SIM2: variants seen among roughly 807,000 people sequenced by gnomAD.
SIM2 encodes single-minded homolog 2.
Under a neutral mutation model 64.8 loss-of-function variants are expected in SIM2, and 28 were observed. That is an observed-to-expected ratio of 0.43 (90% CI 0.32 to 0.59). SIM2 has a LOEUF of 0.59. Ranked by LOEUF, SIM2 falls within the 20% of genes least tolerant of loss-of-function variation. The pLI is 0.07. For missense variants in SIM2, 847 were observed against 871.4 expected (o/e 0.97, Z 0.35); for synonymous variants, 408 against 391.1 (o/e 1.04, Z -0.51).
chr21:36,746,283 C>G (rs1482056040), intron 10 of SIM2: 1 of 154,874 alleles, frequency 6.5e-6, no homozygotes, highest in South Asian at 2.0e-4. Flanking sequence ...TCACTGCACT[C>G]CAGCCTGGGT....
At chr21:36,700,318 CTTTCTT>C (rs2088472851) in intron 1 of SIM2, among the ~76,000 whole-genome samples, 1 of 132,532 alleles carries the variant, frequency 7.5e-6, no homozygotes. Context: ...CTTTCTTTCT[CTTTCTT>C]TTTCTTTCTT....
chr21:36,738,890 G>A (rs1013118597), intron 7 of SIM2, among the ~76,000 whole-genome samples: 2 of 152,298 alleles, frequency 1.3e-5, no homozygotes, highest in African/African-American at 4.8e-5. Flanking sequence ...GCAGAAAAGC[G>A]CTGCTCTCTG....
chr21:36,732,423 G>A (rs952519938), intron 7 of SIM2, among the ~76,000 whole-genome samples: 6 of 152,226 alleles, frequency 3.9e-5, no homozygotes, highest in African/African-American at 1.4e-4. Flanking sequence ...CGAGTGGGAG[G>A]GGGACGGCAG....
At chr21:36,719,253 G>T (rs912096711) in intron 3 of SIM2, among the ~76,000 whole-genome samples, 1 of 152,276 alleles carries the variant, frequency 6.6e-6, no homozygotes, top group Admixed American at 6.5e-5. Context: ...GCCTGGCAGC[G>T]CCTGAGGGGC....
rs144541776 is a variant in SIM2 at position 36,714,816 on chromosome 21, A to G, written c.348+2194A>G. On this transcript the variant is annotated intron_variant, in intron 3 of 10. Transcript: ENST00000290399. The stretch of plus-strand genomic sequence containing the variant: ...AACACAATAATTAAGAAGGACCAAA[A>G]TATTGGATAGGTGACAAATCTGCCT... Among the ~76,000 whole-genome samples, 763 of 152,310 alleles carry G rather than the reference A, an allele frequency of 5.0e-3. 17 individuals are homozygous for G. The highest frequency in any genetic ancestry group is 3.0e-3 in the Non-Finnish European group (201 of 68,016).
At position 36,747,984 on chromosome 21, in the gene SIM2, G is replaced by A; in HGVS notation, c.1896G>A (p.Ala632=). Residue 632 remains alanine (A), a synonymous_variant, in exon 11 of 11, where the codon GCG becomes GCA. Transcript: ENST00000290399. This position sits in a 1 kb window ranked among gnomAD's most constrained non-coding sequence, Gnocchi z 4.5. ...LACAPGGPEA[A]TGALRLRHPS... is the part of the protein sequence containing the mutation. Reference sequence around the variant, plus strand: ...GCGCTCCCGGCGGCCCCGAGGCGGCGACCGGCGCGCTGCGGCTCCGGCACC... The same window carrying A: ...GCGCTCCCGGCGGCCCCGAGGCGGCAACCGGCGCGCTGCGGCTCCGGCACC... 4 of 1,057,968 alleles carry A rather than the reference G, an allele frequency of 3.8e-6. No individual in the cohort carries two copies. Among genetic ancestry groups the A allele is most frequent in the Non-Finnish European group, 2.3e-6 (2 of 878,556 alleles). 65.5% of individuals were successfully genotyped at this position (1,057,968 alleles called of 1,614,324 possible).
intron 7 of SIM2, among the ~76,000 whole-genome samples, chr21:36,740,107 T>A (rs2089142466): frequency 6.6e-6 from 1 of 151,490 alleles, no homozygotes; most frequent in Admixed American, 6.6e-5. Flanking sequence ...TGTTGGCCTT[T>A]CATTTTTTTT....
chr21:36,714,614 T>C (rs766800005), intron 3 of SIM2, among the ~76,000 whole-genome samples: 6 of 152,172 alleles, frequency 3.9e-5, no homozygotes, highest in Non-Finnish European at 5.9e-5. Context: ...AAACTTGCTT[T>C]CAGTAGAGTC....
intron 1 of SIM2, among the ~76,000 whole-genome samples, chr21:36,701,965 G>T (rs1183569467): frequency 6.6e-6 from 1 of 152,208 alleles, no homozygotes; most frequent in Non-Finnish European, 1.5e-5. Flanking sequence ...AATGATTTGC[G>T]GTCAATGATT....
At chr21:36,743,257 C>A in intron 8 of SIM2, 130 bp from the exon 9 acceptor site, 1 of 799,858 alleles carries the variant, frequency 1.3e-6, no homozygotes, top group South Asian at 1.7e-5. Context: ...TCTCAAATCC[C>A]ATCCACATCC....
At chr21:36,708,344 C>T (rs576987143) in intron 1 of SIM2, among the ~76,000 whole-genome samples, 24 of 152,214 alleles carry the variant, frequency 1.6e-4, no homozygotes, top group Admixed American at 8.5e-4. Context: ...GGAGTCCTGA[C>T]GGGCAGGTCC....
intron 3 of SIM2, among the ~76,000 whole-genome samples, chr21:36,713,569 G>T (rs894194819): frequency 4.6e-5 from 7 of 152,198 alleles, no homozygotes; most frequent in African/African-American, 1.7e-4. Flanking sequence ...TAGATACAGA[G>T]GATGGGTTCC....
chr21:36,709,635 C>T, intron 2 of SIM2: 1 of 378,490 alleles, frequency 2.6e-6, no homozygotes, highest in Non-Finnish European at 5.1e-6. Context: ...TTGGGCTGCT[C>T]TGAGCTCTGA....
At chr21:36,729,788 C>T (rs2088941335) in intron 6 of SIM2, among the ~76,000 whole-genome samples, 1 of 152,178 alleles carries the variant, frequency 6.6e-6, no homozygotes, top group Non-Finnish European at 1.5e-5. Context: ...GGCCCCATTG[C>T]CCAAAGCCTG....
chr21:36,730,604 G>T (rs879878692), intron 6 of SIM2, among the ~76,000 whole-genome samples: 1 of 152,140 alleles, frequency 6.6e-6, no homozygotes, highest in Non-Finnish European at 1.5e-5. Flanking sequence ...GTACACTAGC[G>T]CTGGTAACCA....
intron 7 of SIM2, among the ~76,000 whole-genome samples, 197 bp downstream of exon 7, chr21:36,731,348 C>T (rs887417395): frequency 1.3e-5 from 2 of 152,180 alleles, no homozygotes; most frequent in Non-Finnish European, 1.5e-5. Flanking sequence ...AGCAGCCACG[C>T]GCACCCTTTC....
In SIM2 at chr21:36,742,002, T is replaced by A. The variant is rs1034717206; in HGVS notation, c.998+138T>A. 17 of 495,332 alleles carry A rather than the reference T, an allele frequency of 3.4e-5. No homozygotes were observed. The African/African-American group carries it at 3.9e-4, about 11-fold the overall frequency. The allele number at this position is 495,332 out of a possible 1,614,324, so 30.7% of individuals were successfully genotyped here. On this transcript the variant is annotated intron_variant, in intron 8 of 10. Coordinates refer to ENST00000290399, the MANE Select transcript of SIM2 (RefSeq NM_005069.6). ...CTTCTGTTTTTTTTCTTTTTTTTAA[T>A]TTTTTTTTTTTAGGAATCTGGTCAT...
At chr21:36,735,953 C>T (rs1412813186) in intron 7 of SIM2, among the ~76,000 whole-genome samples, 2 of 152,214 alleles carry the variant, frequency 1.3e-5, no homozygotes, top group African/African-American at 4.8e-5. Context: ...GGCCAGACTT[C>T]CTATTCAGCC....
Position 36,743,371 on chromosome 21 carries a change from C to T in SIM2, c.999-16C>T, listed in dbSNP as rs1251551774. ...AGCGCCTGCTGGACATGACTCGGCC[C>T]ACTCTCGCCTTCCAGGGAGATTGAA... On this transcript the variant is annotated splice_polypyrimidine_tract_variant and intron_variant, in intron 8 of 10. Coordinates refer to ENST00000290399, the MANE Select transcript of SIM2 (RefSeq NM_005069.6). The T allele has an allele frequency of 7.5e-6, 12 of 1,604,434 alleles. No homozygotes were observed. The highest frequency in any genetic ancestry group is 1.0e-5 in the Non-Finnish European group (12 of 1,176,182).
Sources: gnomAD v4.1 joint callset for allele counts (sites outside exome capture counted in the v4.1 genomes callset) on GRCh38, gnomAD v4.1.1 for gene constraint, Gnocchi (gnomAD v3.1) non-coding constraint, MANE v1.5 for transcripts, NCBI Gene and HGNC (gene_info 2026-07-23, HGNC 2026-07-21) for gene names.